The following CAPN14 variants were observed in gnomAD, a reference collection of about 807,000 sequenced individuals.
CAPN14 encodes calpain-14.
CAPN14 carries 94 observed loss-of-function variants against 101.3 expected under a neutral mutation model. The ratio of observed to expected loss-of-function variants is 0.93; its 90% CI spans 0.79 to 1.10. The LOEUF (loss-of-function observed/expected upper bound fraction) is 1.10, where lower values mean the gene tolerates loss of function less well. Among genes scored for constraint, CAPN14 ranks in the 50% least tolerant of loss-of-function variants. The pLI, the probability that CAPN14 is intolerant of heterozygous loss-of-function variation, is 0.00. For missense variants in CAPN14, 837 were observed against 828.4 expected, an observed-to-expected ratio of 1.01 and a Z score of -0.13; for synonymous variants, 338 against 317.9, an observed-to-expected ratio of 1.06 and a Z score of -0.67.
At chr2:31,222,470 T>C (rs1296362026), upstream of CAPN14, among the ~76,000 whole-genome samples, 1 of 152,282 alleles carries the variant, frequency 6.6e-6, no homozygotes, top group East Asian at 1.9e-4. Flanking sequence ...TTGGATAGCC[T>C]CAAGATAGCA....
intron 1 of CAPN14, among the ~76,000 whole-genome samples, chr2:31,232,339 A>G (rs1184932180): frequency 1.3e-5 from 2 of 152,050 alleles, no homozygotes; most frequent in South Asian, 2.1e-4. Context: ...ATTCTATTCC[A>G]TGAAAAAAAT....
chr2:31,224,258 A>G (rs13393359), intron 2 of CAPN14, among the ~76,000 whole-genome samples: 60,120 of 151,952 alleles, frequency 0.4, 13,160 homozygotes, highest in Middle Eastern at 0.52. Context: ...AGGAAAGAAC[A>G]CTCAGTACAT....
At chr2:31,193,544 T>C (rs1357242357) in intron 9 of CAPN14, among the ~76,000 whole-genome samples, 1 of 152,204 alleles carries the variant, frequency 6.6e-6, no homozygotes, top group African/African-American at 2.4e-5. Flanking sequence ...GCCGGCCACA[T>C]GGCTGACCGG....
chr2:31,233,083 G>T (rs1348000874), intron 1 of CAPN14, among the ~76,000 whole-genome samples: 2 of 152,184 alleles, frequency 1.3e-5, no homozygotes, highest in Non-Finnish European at 2.9e-5. Context: ...TTAGTATGAT[G>T]CTGGAGATAA....
At chr2:31,178,635 G>A (rs753282928) in intron 17 of CAPN14, 56 bp from the exon 18 acceptor site, 257 of 1,168,644 alleles carry the variant, frequency 2.2e-4, no homozygotes, top group Admixed American at 7.9e-4. Context: ...ATGCTTTGGA[G>A]GCAGTGATCA....
At chr2:31,191,457 G>T (rs912879609) in intron 11 of CAPN14, 50 bp from the exon 12 acceptor site, 2 of 1,495,004 alleles carry the variant, frequency 1.3e-6, no homozygotes, top group South Asian at 1.3e-5. Context: ...AGGAGAGAGA[G>T]ATCTCATTAA....
intron 1 of CAPN14, among the ~76,000 whole-genome samples, chr2:31,207,004 A>T (rs1682132205): frequency 6.6e-6 from 1 of 152,124 alleles, no homozygotes; most frequent in Non-Finnish European, 1.5e-5. Context: ...CTATACAGGG[A>T]GATTTTATAA....
At chr2:31,188,672 C>CAAACA (rs1681031172) in intron 13 of CAPN14, among the ~76,000 whole-genome samples, 1 of 152,132 alleles carries the variant, frequency 6.6e-6, no homozygotes, top group Non-Finnish European at 1.5e-5. Context: ...AAAAAACAAA[C>CAAACA]AAACAAAACA....
At chr2:31,201,838 G>A (rs1183508967) in intron 5 of CAPN14, 24 bp downstream of exon 5, 29 of 1,547,450 alleles carry the variant, frequency 1.9e-5, no homozygotes, top group Non-Finnish European at 2.4e-5. Flanking sequence ...GATGGGAAGG[G>A]GGATATTTCT....
chr2:31,196,143 A>G (rs950585700), intron 8 of CAPN14, among the ~76,000 whole-genome samples: 22 of 152,270 alleles, frequency 1.4e-4, no homozygotes, highest in Admixed American at 1.4e-3. Flanking sequence ...TGAAAAATAT[A>G]CTGGATGGGA....
intron 1 of CAPN14, among the ~76,000 whole-genome samples, chr2:31,229,278 G>A (rs1369266494): frequency 6.6e-6 from 1 of 152,106 alleles, no homozygotes; most frequent in Non-Finnish European, 1.5e-5. Flanking sequence ...TTGAATGATA[G>A]GTTCATCAAG....
At chr2:31,196,334 C>T (rs751776132) in intron 8 of CAPN14, among the ~76,000 whole-genome samples, 6 of 152,110 alleles carry the variant, frequency 3.9e-5, no homozygotes, top group Non-Finnish European at 7.4e-5. Context: ...TGAAAGAAAC[C>T]GCCACCAGCA....
chr2:31,187,852 C>A (rs1195672155), intron 14 of CAPN14, 38 bp from the exon 15 acceptor site: 1 of 1,510,048 alleles, frequency 6.6e-7, no homozygotes, highest in Non-Finnish European at 9.0e-7. Flanking sequence ...CAATTATTCA[C>A]CTGTATAAAC....
Position 31,230,284 on chromosome 2 carries a change from T to C in CAPN14, c.-177+3507A>G, listed in dbSNP as rs1683150443. On this transcript the variant is annotated intron_variant and NMD_transcript_variant, in intron 1 of 21. Transcript: ENST00000398824. This position sits in a 1 kb window ranked among gnomAD's most constrained non-coding sequence, Gnocchi z 4.3. ...GAAGGACATTTAGTTGTTTATAAATTTTTGCTGCTACAAATAATGTTGCCA... is the reference window on the plus strand; with the variant it reads ...GAAGGACATTTAGTTGTTTATAAATCTTTGCTGCTACAAATAATGTTGCCA... Among the ~76,000 whole-genome samples the C allele has an allele frequency of 6.6e-6, 1 of 152,254 alleles. No homozygotes were observed. The highest frequency in any genetic ancestry group is 1.5e-5 in the Non-Finnish European group (1 of 68,042).
intron 1 of CAPN14, among the ~76,000 whole-genome samples, chr2:31,233,625 G>A (rs924745554): frequency 6.6e-6 from 1 of 152,074 alleles, no homozygotes; most frequent in East Asian, 1.9e-4. Flanking sequence ...TTCTTGGCTT[G>A]TTTTGTTTTG....
Position 31,186,468 on chromosome 2 carries a change from T to C in CAPN14, c.1605A>G (p.Ala535=), listed in dbSNP as rs1260589533. The change falls in exon 16 of 22, where the codon GCA becomes GCG. Residue 535 remains alanine (A), a synonymous_variant. Transcript: ENST00000403897. ...GGTTCAGGAGGTTCTGAAGTTGAACTGCATTAATCTCTGGATGCTAAATAG... is the reference window on the plus strand; with the variant it reads ...GGTTCAGGAGGTTCTGAAGTTGAACCGCATTAATCTCTGGATGCTAAATAG... The part of the protein sequence containing the change: ...KFFEKHPEIN[A]VQLQNLLNQM... 22 of 1,549,058 alleles carry C rather than the reference T, an allele frequency of 1.4e-5. No individual in the cohort carries two copies. The highest frequency in any genetic ancestry group is 1.7e-5 in the Non-Finnish European group (20 of 1,146,086).
At chr2:31,179,460 C>T (rs1680484279) in intron 17 of CAPN14, among the ~76,000 whole-genome samples, 1 of 152,164 alleles carries the variant, frequency 6.6e-6, no homozygotes, top group South Asian at 2.1e-4. Flanking sequence ...TTTCTGAATC[C>T]AGTCTATCAT....
At chr2:31,216,329 G>T (rs970778369) in intron 1 of CAPN14, among the ~76,000 whole-genome samples, 3 of 152,046 alleles carry the variant, frequency 2.0e-5, no homozygotes, top group African/African-American at 7.2e-5. Flanking sequence ...CTTTTCTACT[G>T]CTTGTTTTGA....
chr2:31,222,842 G>A (rs1370883067), intron 2 of CAPN14, among the ~76,000 whole-genome samples: 1 of 152,222 alleles, frequency 6.6e-6, no homozygotes, highest in Non-Finnish European at 1.5e-5. Flanking sequence ...GACCCCCAGT[G>A]TGATCACATT....
Sources: allele counts gnomAD v4.1 joint callset (sites outside exome capture counted in the v4.1 genomes callset), GRCh38; gene constraint gnomAD v4.1.1; non-coding constraint Gnocchi (gnomAD v3.1); transcripts MANE v1.5; gene names NCBI Gene and HGNC (gene_info 2026-07-23, HGNC 2026-07-21).